ARHGEF4: variants seen among roughly 807,000 people sequenced by gnomAD.
The protein encoded by ARHGEF4 is Rho guanine nucleotide exchange factor 4.
In ARHGEF4, 119 loss-of-function variants were observed where a neutral mutation model predicts 162.0. That is an observed-to-expected ratio of 0.73 (90% CI 0.63 to 0.86). ARHGEF4 has a LOEUF of 0.86. Ranked by LOEUF, ARHGEF4 falls within the 40% of genes least tolerant of loss-of-function variation. The probability of loss-of-function intolerance (pLI) is 0.00; values close to 1 mark genes in which losing one functional copy is unlikely to be tolerated. For missense variants in ARHGEF4, 2,488 were observed against 2,456.0 expected (o/e 1.01, Z -0.28); for synonymous variants, 1,014 against 979.9 (o/e 1.03, Z -0.65).
rs1199918090 is a variant in ARHGEF4, at chr2:130,916,763, G to A, written c.2817G>A (p.Lys939=). ...ATGAACGTTCCCCAAGTTCTCCCAA[G>A]GGCGAGAAGGAGAAGAGCAGGCTGC... ...NTHERSPSSP[K]GEKEKSRLRQ... The change falls in exon 2 of 14, where the codon AAG becomes AAA. Residue 939 remains lysine, a synonymous_variant. Transcript: ENST00000409359. 1 of 1,550,664 alleles carries A rather than the reference G, an allele frequency of 6.4e-7. No individual in the cohort carries two copies. Among genetic ancestry groups the A allele is most frequent in the African/African-American group, 1.4e-5 (1 of 73,158 alleles).
chr2:131,015,446 C>T (rs1052320756), intron 4 of ARHGEF4, among the ~76,000 whole-genome samples: 3 of 152,164 alleles, frequency 2.0e-5, no homozygotes, highest in East Asian at 3.9e-4. Context: ...AGTGTTACTC[C>T]GTTCGCATGA....
At chr2:130,972,299 C>CT (rs1685418725) in intron 4 of ARHGEF4, among the ~76,000 whole-genome samples, 1 of 152,086 alleles carries the variant, frequency 6.6e-6, no homozygotes, top group Non-Finnish European at 1.5e-5. Flanking sequence ...AGAGCATAGT[C>CT]TACTAAAGGC....
At chr2:131,017,240 A>C (rs529321273) in intron 4 of ARHGEF4, among the ~76,000 whole-genome samples, 2 of 152,312 alleles carry the variant, frequency 1.3e-5, no homozygotes, top group South Asian at 2.1e-4. Flanking sequence ...GTTTGAGCCC[A>C]GTCTAAGCAG....
At chr2:131,001,378 G>C (rs193103214) in intron 4 of ARHGEF4, among the ~76,000 whole-genome samples, 1 of 151,592 alleles carries the variant, frequency 6.6e-6, no homozygotes, top group Admixed American at 6.6e-5. Flanking sequence ...ATAACACTGG[G>C]CATGTGATGC....
At chr2:131,023,925 A>C (rs575026433) in intron 4 of ARHGEF4, among the ~76,000 whole-genome samples, 27 of 151,814 alleles carry the variant, frequency 1.8e-4, no homozygotes, top group African/African-American at 5.5e-4. Flanking sequence ...CCATGGAATG[A>C]CATGGAATAT....
At chr2:130,864,036 ATT>A (rs1357532881) in intron 1 of ARHGEF4, among the ~76,000 whole-genome samples, 2 of 148,692 alleles carry the variant, frequency 1.3e-5, no homozygotes. Context: ...TACAAAAAAA[ATT>A]AGCTGGGCAT....
chr2:131,040,063 C>T lies in ARHGEF4; in HGVS notation c.4353C>T (p.Ala1451=), dbSNP rs778963033. Residue 1451 remains alanine, a synonymous_variant, in exon 7 of 14, where the codon GCC becomes GCT. Transcript: ENST00000409359. ...DEPADDDAPL[A]GNSGAEDGGA... is the part of the protein sequence containing the mutation. ...CCGCGGATGACGACGCCCCTCTGGCCGGGAACAGCGGAGCGGAGGACGGCG... is the reference window on the plus strand; with the variant it reads ...CCGCGGATGACGACGCCCCTCTGGCTGGGAACAGCGGAGCGGAGGACGGCG... 3 of 1,593,354 alleles carry T rather than the reference C, an allele frequency of 1.9e-6. No homozygotes were observed. Among genetic ancestry groups the T allele is most frequent in the East Asian group, 2.3e-5 (1 of 43,246 alleles).
chr2:131,040,535 T>C (rs1038499876), intron 8 of ARHGEF4, 95 bp downstream of exon 8: 7 of 1,359,424 alleles, frequency 5.1e-6, no homozygotes, highest in Non-Finnish European at 6.9e-6. Flanking sequence ...TCCCAAAACC[T>C]TCCACAACGC....
chr2:130,864,700 G>A (rs1682142976), intron 1 of ARHGEF4, among the ~76,000 whole-genome samples: 1 of 152,118 alleles, frequency 6.6e-6, no homozygotes, highest in South Asian at 2.1e-4. Flanking sequence ...CTCCAATCTG[G>A]GCGACAGAGC....
At chr2:130,877,153 C>A (rs776184603) in intron 1 of ARHGEF4, among the ~76,000 whole-genome samples, 1 of 152,018 alleles carries the variant, frequency 6.6e-6, no homozygotes, top group Non-Finnish European at 1.5e-5. Context: ...AGCGGTGCTC[C>A]CAGGGTAAGG....
chr2:131,002,351 G>A (rs1391734698), intron 4 of ARHGEF4, among the ~76,000 whole-genome samples: 1 of 152,128 alleles, frequency 6.6e-6, no homozygotes, highest in Admixed American at 6.5e-5. Context: ...GCCGAGGCAG[G>A]CAGATCACGA....
At chr2:130,931,427 A>G (rs996529707) in intron 3 of ARHGEF4, among the ~76,000 whole-genome samples, 170 bp downstream of exon 3, 2 of 152,168 alleles carry the variant, frequency 1.3e-5, no homozygotes, top group Non-Finnish European at 2.9e-5. Context: ...ACTGCAGTCG[A>G]GGGCCTGCAA....
At chr2:130,974,427 G>T (rs1451440023) in intron 4 of ARHGEF4, among the ~76,000 whole-genome samples, 2 of 151,588 alleles carry the variant, frequency 1.3e-5, no homozygotes, top group African/African-American at 2.4e-5. Context: ...TAACTGTAAA[G>T]AATCCTAGCT....
chr2:130,894,750 G>C (rs1356411907), intron 1 of ARHGEF4, among the ~76,000 whole-genome samples: 1 of 151,956 alleles, frequency 6.6e-6, no homozygotes, highest in Non-Finnish European at 1.5e-5. Flanking sequence ...TCCCTGGTCT[G>C]TGGCTCCTGT....
At chr2:130,904,217 G>A (rs1318625903) in intron 1 of ARHGEF4, among the ~76,000 whole-genome samples, 1 of 152,110 alleles carries the variant, frequency 6.6e-6, no homozygotes, top group African/African-American at 2.4e-5. Context: ...CATCCTGACT[G>A]GTGCATCTCT....
At chr2:130,959,081 A>G (rs1684472695) in intron 4 of ARHGEF4, among the ~76,000 whole-genome samples, 2 of 151,764 alleles carry the variant, frequency 1.3e-5, no homozygotes, top group South Asian at 2.1e-4. Flanking sequence ...AGCTGGGACT[A>G]CAGGCGCACC....
intron 3 of ARHGEF4, among the ~76,000 whole-genome samples, chr2:130,935,942 A>C (rs6714494): frequency 1.4e-3 from 212 of 152,244 alleles, no homozygotes; most frequent in African/African-American, 5.0e-3. Flanking sequence ...GTGCATGCCT[A>C]TAATCCCAGC....
chr2:131,045,112 A>G (rs1691131961), intron 12 of ARHGEF4, among the ~76,000 whole-genome samples: 2 of 152,142 alleles, frequency 1.3e-5, no homozygotes, highest in South Asian at 4.1e-4. Flanking sequence ...TGAAGGTGAG[A>G]GATGGGTGGG....
intron 5 of ARHGEF4, chr2:131,035,459 T>C (rs1425451799): frequency 3.5e-6 from 1 of 286,942 alleles, no homozygotes. Context: ...AGGGTCCTTC[T>C]GTCCTCTGTG....
Sources: allele counts gnomAD v4.1 joint callset (sites outside exome capture counted in the v4.1 genomes callset), GRCh38; gene constraint gnomAD v4.1.1; transcripts MANE v1.5; gene names NCBI Gene and HGNC (gene_info 2026-07-23, HGNC 2026-07-21).